ZNF208: variants seen among roughly 807,000 people sequenced by gnomAD.
ZNF208 encodes the protein zinc finger protein 208, also known as zinc finger protein 95.
In ZNF208, 10 loss-of-function variants were observed where a neutral mutation model predicts 12.1. The observed-to-expected ratio is 0.83, with a 90% CI of 0.51 to 1.40. ZNF208 has a LOEUF of 1.40. Ranked by LOEUF, ZNF208 falls within the 40% of genes most tolerant of loss-of-function variation. The pLI, the probability that ZNF208 is intolerant of heterozygous loss-of-function variation, is 0.00. For synonymous variants in ZNF208, 497 were observed against 488.4 expected, an observed-to-expected ratio of 1.02 and a Z score of -0.23; for missense variants, 1,652 against 1,485.0, an observed-to-expected ratio of 1.11 and a Z score of -1.85.
chr19:21,953,922 A>G (rs1969930936), intron 4 of ZNF208, among the ~76,000 whole-genome samples: 1 of 151,950 alleles, frequency 6.6e-6, no homozygotes, highest in Admixed American at 6.6e-5. Flanking sequence ...TTTAATTGTG[A>G]TTGTAGCATG....
intron 1 of ZNF208, among the ~76,000 whole-genome samples, chr19:22,008,317 G>A (rs866551441): frequency 3.2e-3 from 322 of 99,426 alleles, no homozygotes; most frequent in Middle Eastern, 0.01. Context: ...AAAAAAAAAA[G>A]AAAAAAAAAA....
chr19:21,959,466 A>G (rs971676383), intron 4 of ZNF208, among the ~76,000 whole-genome samples: 2 of 152,210 alleles, frequency 1.3e-5, no homozygotes, highest in South Asian at 2.1e-4. Context: ...TATCGCTGTT[A>G]TAATAGTGTT....
At chr19:21,965,300 A>G (rs193024451), downstream of ZNF208, among the ~76,000 whole-genome samples, 1 of 152,182 alleles carries the variant, frequency 6.6e-6, no homozygotes, top group African/African-American at 2.4e-5. Flanking sequence ...TCTAGATGAA[A>G]TAACAATTAC....
At chr19:21,953,112 G>C (rs1969918315) in intron 4 of ZNF208, among the ~76,000 whole-genome samples, 1 of 152,170 alleles carries the variant, frequency 6.6e-6, no homozygotes. Context: ...GACAAGCTTA[G>C]AGAAAAAGAG....
At position 21,971,659 on chromosome 19, in the gene ZNF208, G is replaced by A; in HGVS notation, c.3375C>T (p.Phe1125=). ...TTACCTTATGTTTAGTAAGGATTGA[G>A]AACGTACTAAAGCTTTTGCCACATT... ...CEECGKSFST[F]SILTKHKVIH... The change falls in exon 4 of 4, where the codon TTC becomes TTT. Residue 1125 remains phenylalanine, a synonymous_variant. Coordinates refer to ENST00000397126, the MANE Select transcript of ZNF208 (RefSeq NM_007153.3). 1 of 1,613,458 alleles carries A rather than the reference G, an allele frequency of 6.2e-7. No individual in the cohort carries two copies. The highest frequency in any genetic ancestry group is 2.2e-5 in the East Asian group (1 of 44,810).
At position 21,971,036 on chromosome 19, in the gene ZNF208, C is replaced by G. The variant is rs1340801111; in HGVS notation, c.*155G>C. 2.6e-5 allele frequency among the ~76,000 whole-genome samples: 4 copies of G among 151,810 alleles called. No homozygotes were observed. The highest frequency in any genetic ancestry group is 2.0e-4 in the Admixed American group (3 of 15,218). ...TTCTTCACATTTGTAGGGTGTCTCT[C>G]CAGTATGAATTCTCTTATGTTCCAT... On this transcript the variant is annotated 3_prime_UTR_variant, in exon 4 of 4. Transcript: ENST00000397126.
In ZNF208 at chr19:21,972,596, G is replaced by T. The variant is rs750019779; in HGVS notation, c.2438C>A (p.Thr813Asn). ...AGTAAGGGTTGAGACCTTACTAAAG[G>T]TTTTGCCACATTCTTCACATTTGTA... ...KPYKCEECGK[T>N]FSKVSTLTTH... is the part of the protein sequence containing the mutation. The change falls in exon 4 of 4, where the codon ACC (threonine) becomes AAC (asparagine). Residue 813 changes from threonine (T) to asparagine (N), a missense_variant. Around this residue, in one of 3 missense-constraint regions of ZNF208, gnomAD observed 1,239 missense variants for 1,086.2 expected, o/e 1.14. Transcript: ENST00000397126. 1.2e-6 allele frequency: 2 copies of T among 1,612,384 alleles called. No individual in the cohort carries two copies. Among genetic ancestry groups the T allele is most frequent in the East Asian group, 2.2e-5 (1 of 44,706 alleles).
At chr19:21,942,083 T>A (rs143447488) in intron 4 of ZNF208, among the ~76,000 whole-genome samples, 134 of 152,284 alleles carry the variant, frequency 8.8e-4, no homozygotes, top group African/African-American at 3.0e-3. Context: ...CAGGCTTCAG[T>A]TATAAAATGA....
rs139821713 is a variant in ZNF208, at chr19:22,008,003, T to TAAAA, written c.3+2785_3+2788dup. ...TGGGTGACAGAGGAAAGCACTGTCT[T>TAAAA]AAAAAAAAAAAAAAAAAAGGGCCGG... On this transcript the variant is annotated intron_variant, in intron 1 of 3. Transcript: ENST00000397126. Among the ~76,000 whole-genome samples the TAAAA allele has an allele frequency of 3.3e-3, 325 of 99,124 alleles. 5 individuals are homozygous for TAAAA. Among genetic ancestry groups the TAAAA allele is most frequent in the African/African-American group, 9.5e-3 (229 of 24,060 alleles). 65.0% of individuals were successfully genotyped at this position (99,124 alleles called of 152,430 possible).
Position 21,966,433 on chromosome 19 carries a change from T to C in ZNF208, c.*4758A>G, listed in dbSNP as rs1970168371. The C allele has an allele frequency of 6.6e-6, 1 of 152,128 alleles. No homozygotes were observed. 9.4% of individuals were successfully genotyped at this position (152,128 alleles called of 1,614,324 possible). A position where few individuals can be genotyped will look rare whatever the true frequency, so the allele number is the denominator to read the frequency against. On this transcript the variant is annotated 3_prime_UTR_variant, in exon 4 of 4. Transcript: ENST00000397126. ...TGCATTCATGTTGCTGCAAAAGACG[T>C]TACTTCATTCTCTTCTGTTGCTGCA... is the stretch of plus-strand genomic sequence containing the variant.
At chr19:21,951,798 G>A (rs1969892749) in intron 4 of ZNF208, among the ~76,000 whole-genome samples, 2 of 152,342 alleles carry the variant, frequency 1.3e-5, no homozygotes, top group South Asian at 4.1e-4. Context: ...GGGACTGGAT[G>A]GACAGTGGGT....
downstream of ZNF208, among the ~76,000 whole-genome samples, chr19:21,961,718 C>T (rs1289263740): frequency 2.6e-5 from 4 of 151,998 alleles, no homozygotes; most frequent in African/African-American, 7.2e-5. Context: ...ATTAATAATC[C>T]TTGCTAGGAA....
rs367553360 is a variant in ZNF208, at chr19:21,971,922, A to G, written c.3112T>C (p.Phe1038Leu). Reference protein sequence around the residue: ...PYKCEECDKAFSWPSSLTEHK... With the variant: ...PYKCEECDKALSWPSSLTEHK... The stretch of plus-strand genomic sequence containing the variant: ...TCAGTAAGGCTTGAGGGCCAGCTGA[A>G]GGCTTTGTCACATTCTTCACATTTG... The change falls in exon 4 of 4, where the codon TTC becomes CTC. Residue 1038 changes from phenylalanine (F) to leucine (L), a missense_variant. By Grantham distance (22) the Phe-to-Leu change is conservative. Around this residue, in one of 3 missense-constraint regions of ZNF208, gnomAD observed 1,239 missense variants for 1,086.2 expected, o/e 1.14. Coordinates refer to ENST00000397126, the MANE Select transcript of ZNF208 (RefSeq NM_007153.3). 41 of 1,530,516 alleles carry G rather than the reference A, an allele frequency of 2.7e-5. No individual in the cohort carries two copies. The highest frequency in any genetic ancestry group is 3.6e-5 in the Non-Finnish European group (40 of 1,122,620). The allele number at this position is 1,530,516 out of a possible 1,614,324, so 94.8% of individuals were successfully genotyped here. A position where few individuals can be genotyped will look rare whatever the true frequency, so the allele number is the denominator to read the frequency against.
intron 1 of ZNF208, among the ~76,000 whole-genome samples, chr19:21,994,269 T>C (rs976931810): frequency 6.6e-6 from 1 of 152,218 alleles, no homozygotes; most frequent in African/African-American, 2.4e-5. Flanking sequence ...GCACTGGTTT[T>C]AATAAAAAAT....
At chr19:21,949,404 C>T (rs140537984) in intron 4 of ZNF208, among the ~76,000 whole-genome samples, 33 of 152,242 alleles carry the variant, frequency 2.2e-4, no homozygotes, top group Admixed American at 8.5e-4. Flanking sequence ...ACAAGAACAC[C>T]GGATAAAGAA....
At chr19:21,963,833 C>A (rs1481600332), downstream of ZNF208, among the ~76,000 whole-genome samples, 1 of 151,864 alleles carries the variant, frequency 6.6e-6, no homozygotes, top group Non-Finnish European at 1.5e-5. Flanking sequence ...ATGTTCAATT[C>A]ACATTCAGAA....
chr19:21,990,936 G>C (rs1003461885), intron 1 of ZNF208, among the ~76,000 whole-genome samples: 2 of 152,136 alleles, frequency 1.3e-5, no homozygotes, highest in Non-Finnish European at 1.5e-5. Flanking sequence ...GAATGCTTGT[G>C]ATTTTTGTAC....
chr19:21,981,964 AAAAT>A (rs1171709353), intron 3 of ZNF208, among the ~76,000 whole-genome samples: 1 of 152,194 alleles, frequency 6.6e-6, no homozygotes, highest in Non-Finnish European at 1.5e-5. Flanking sequence ...CAAAGAGAAT[AAAAT>A]ACCTAGGAAT....
rs1406218274 is a variant in ZNF208, at chr19:21,967,810, T to C, written c.*3381A>G. The C allele has an allele frequency of 2.0e-5, 3 of 152,188 alleles. No individual in the cohort carries two copies. The highest frequency in any genetic ancestry group is 6.6e-5 in the Admixed American group (1 of 15,260). The allele number at this position is 152,188 out of a possible 1,614,324, so 9.4% of individuals were successfully genotyped here. A position where few individuals can be genotyped will look rare whatever the true frequency, so the allele number is the denominator to read the frequency against. On this transcript the variant is annotated 3_prime_UTR_variant, in exon 4 of 4. Coordinates refer to ENST00000397126, the MANE Select transcript of ZNF208 (RefSeq NM_007153.3). Reference sequence around the variant, plus strand: ...ATCGTCATGGATAGTCTGATAAAAATAGCACTTAATCTGTAGGTTGCTTTA... The same window carrying C: ...ATCGTCATGGATAGTCTGATAAAAACAGCACTTAATCTGTAGGTTGCTTTA...
Sources: gnomAD v4.1 joint callset for allele counts (sites outside exome capture counted in the v4.1 genomes callset) on GRCh38, gnomAD v4.1.1 for gene constraint, gnomAD v4.1.1 regional missense constraint, MANE v1.5 for transcripts, NCBI Gene and HGNC (gene_info 2026-07-23, HGNC 2026-07-21) for gene names.